The following CRB3 variants were observed in gnomAD, a reference collection of about 807,000 sequenced individuals.
CRB3 encodes protein crumbs homolog 3.
Under a neutral mutation model 10.4 loss-of-function variants are expected in CRB3, and 4 were observed. The observed-to-expected ratio is 0.39, with a 90% CI of 0.19 to 0.88. The LOEUF (loss-of-function observed/expected upper bound fraction) is 0.88. Among genes scored for constraint, CRB3 ranks in the 40% least tolerant of loss-of-function variants. The pLI is 0.39. For missense variants in CRB3, 154 were observed against 160.2 expected, an observed-to-expected ratio of 0.96 and a Z score of 0.21; for synonymous variants, 74 against 73.4, an observed-to-expected ratio of 1.01 and a Z score of -0.04.
At position 6,466,871 on chromosome 19, in the gene CRB3, G is replaced by T; in HGVS notation, c.*199G>T. The T allele has an allele frequency of 6.3e-7, 1 of 1,577,498 alleles. No individual in the cohort carries two copies. The highest frequency in any genetic ancestry group is 1.2e-5 in the South Asian group (1 of 85,500). ...CCTGCAGCTCAGGGTGCTGGGGCTC[G>T]GGACCCACCCCCCTGCTTGCGGAAC... On this transcript the variant is annotated 3_prime_UTR_variant, in exon 4 of 4. Transcript: ENST00000600229. The surrounding 1 kb of genome is among the most constrained non-coding windows in gnomAD (Gnocchi z 4.9).
rs764723067 is a variant in CRB3 at position 6,467,026 on chromosome 19, C to A, written c.*354C>A. On this transcript the variant is annotated 3_prime_UTR_variant, in exon 4 of 4. Coordinates refer to ENST00000600229, the MANE Select transcript of CRB3 (RefSeq NM_139161.5). ...GCAGGGCTGCCTGCCCATCTAGGTC[C>A]CCTCTCCTGCATCTGTCTCCCTTCA... 1.9e-6 allele frequency: 3 copies of A among 1,613,178 alleles called. No individual in the cohort carries two copies. In the East Asian group the frequency reaches 6.7e-5, roughly 36 times the overall value.
At chr19:6,465,246 G>T in intron 2 of CRB3, 1 of 398,798 alleles carries the variant, frequency 2.5e-6, no homozygotes, top group Non-Finnish European at 4.6e-6. Flanking sequence ...CCAGGGAAAA[G>T]CTAGGCCCGC....
At chr19:6,465,819 T>C (rs933167240) in intron 3 of CRB3, among the ~76,000 whole-genome samples, 4 of 152,072 alleles carry the variant, frequency 2.6e-5, no homozygotes, top group African/African-American at 7.2e-5. Flanking sequence ...AGGAATACTG[T>C]AGCTGTCAGA....
In CRB3 at chr19:6,467,111, C is replaced by A; in HGVS notation, c.*439C>A. The A allele has an allele frequency of 8.5e-7, 1 of 1,181,642 alleles. No individual in the cohort carries two copies. Among genetic ancestry groups the A allele is most frequent in the Non-Finnish European group, 1.2e-6 (1 of 807,318 alleles). The allele number at this position is 1,181,642 out of a possible 1,614,324, so 73.2% of individuals were successfully genotyped here. A position where few individuals can be genotyped will look rare whatever the true frequency, so the allele number is the denominator to read the frequency against. On this transcript the variant is annotated 3_prime_UTR_variant, in exon 4 of 4. Coordinates refer to ENST00000600229, the MANE Select transcript of CRB3 (RefSeq NM_139161.5). Reference sequence around the variant, plus strand: ...TCTGGGCAGTCAGATCCACCCAGTGCTTAATAGCAGGGAAGAAGGTACTTC... The same window carrying A: ...TCTGGGCAGTCAGATCCACCCAGTGATTAATAGCAGGGAAGAAGGTACTTC...
Position 6,464,493 on chromosome 19 carries a change from G to A in CRB3, c.-94-115G>A. The A allele has an allele frequency of 2.5e-6, 1 of 392,978 alleles. No individual in the cohort carries two copies. 24.3% of individuals were successfully genotyped at this position (392,978 alleles called of 1,614,324 possible). A position where few individuals can be genotyped will look rare whatever the true frequency, so the allele number is the denominator to read the frequency against. The stretch of plus-strand genomic sequence containing the variant: ...AATCTTTAATCGCTGACCTCTGGCG[G>A]CTGGGGCGGGGCGGGACTCATGGGT... On this transcript the variant is annotated intron_variant, in intron 1 of 3. Coordinates refer to ENST00000600229, the MANE Select transcript of CRB3 (RefSeq NM_139161.5). The surrounding 1 kb of genome is among the most constrained non-coding windows in gnomAD (Gnocchi z 5.3).
In CRB3 at chr19:6,466,413, A is replaced by G. The variant is rs1026105078; in HGVS notation, c.157-53A>G. The G allele has an allele frequency of 5.5e-6, 8 of 1,465,332 alleles. No individual in the cohort carries two copies. In the African/African-American group the frequency reaches 8.4e-5, roughly 15 times the overall value. 90.8% of individuals were successfully genotyped at this position (1,465,332 alleles called of 1,614,324 possible). A position where few individuals can be genotyped will look rare whatever the true frequency, so the allele number is the denominator to read the frequency against. ...GATGAGGGGGATGCCATTCAGGTGG[A>G]GGTGGACAGGCTACCCAGGCTCAGG... is the stretch of plus-strand genomic sequence containing the variant. On this transcript the variant is annotated intron_variant, in intron 3 of 3. Coordinates refer to ENST00000600229, the MANE Select transcript of CRB3 (RefSeq NM_139161.5). The surrounding 1 kb of genome is among the most constrained non-coding windows in gnomAD (Gnocchi z 4.9).
chr19:6,465,653 A>G (rs763217399), intron 3 of CRB3, 35 bp downstream of exon 3: 1 of 1,538,276 alleles, frequency 6.5e-7, no homozygotes, highest in Non-Finnish European at 9.0e-7. Flanking sequence ...GATGGCAGCA[A>G]GGATGTTATC....
In CRB3 at chr19:6,466,630, G is replaced by A. The variant is rs560916057; in HGVS notation, c.321G>A (p.Pro107=). ...SEEQVGARVP[P]TPNLKLPPEE... ...AGCAGGTGGGTGCCCGCGTGCCACC[G>A]ACCCCCAACCTCAAGTTGCCGCCGG... Residue 107 remains proline (P), a synonymous_variant, in exon 4 of 4, where the codon CCG becomes CCA. Transcript: ENST00000600229. This position sits in a 1 kb window ranked among gnomAD's most constrained non-coding sequence, Gnocchi z 4.9. The A allele has an allele frequency of 5.0e-6, 8 of 1,603,740 alleles. No homozygotes were observed. The East Asian group carries it at 6.7e-5, about 13-fold the overall frequency.
In CRB3 at chr19:6,464,721, G is replaced by A; in HGVS notation, c.20G>A (p.Gly7Glu). Residue 7 changes from glycine to glutamate, a missense_variant, in exon 2 of 4, where the codon GGG (glycine) becomes GAG (glutamate). Coordinates refer to ENST00000600229, the MANE Select transcript of CRB3 (RefSeq NM_139161.5). This position sits in a 1 kb window ranked among gnomAD's most constrained non-coding sequence, Gnocchi z 5.3. ...CAGCCCATGGCGAACCCCGGGCTGG[G>A]GCTGCTTCTGGCGCTGGGCCTGCCG... Reference protein sequence around the residue: MANPGLGLLLALGLPFL... With the variant: MANPGLELLLALGLPFL... 8.0e-7 allele frequency: 1 copy of A among 1,246,044 alleles called. No individual in the cohort carries two copies. Among genetic ancestry groups the A allele is most frequent in the South Asian group, 3.9e-5 (1 of 25,454 alleles). The allele number at this position is 1,246,044 out of a possible 1,614,324, so 77.2% of individuals were successfully genotyped here. A position where few individuals can be genotyped will look rare whatever the true frequency, so the allele number is the denominator to read the frequency against.
chr19:6,465,169 T>G, intron 2 of CRB3: 1 of 295,200 alleles, frequency 3.4e-6, no homozygotes, highest in Non-Finnish European at 6.3e-6. Flanking sequence ...TGGCTGAAGG[T>G]GTAGACCCCA....
chr19:6,466,200 C>CA lies in CRB3; in HGVS notation c.157-256dup, dbSNP rs1343339886. Among the ~76,000 whole-genome samples, 42 of 145,750 alleles carry CA rather than the reference C, an allele frequency of 2.9e-4. No individual in the cohort carries two copies. Among genetic ancestry groups the CA allele is most frequent in the African/African-American group, 2.5e-4 (10 of 39,702 alleles). On this transcript the variant is annotated intron_variant, in intron 3 of 3. Coordinates refer to ENST00000600229, the MANE Select transcript of CRB3 (RefSeq NM_139161.5). This position sits in a 1 kb window ranked among gnomAD's most constrained non-coding sequence, Gnocchi z 4.9. ...TGGGCAACAGAGCAAGACTCGGTCT[C>CA]AAAAAAAAAAGCCGGAGTCCCAGAC...
chr19:6,463,931 C>T (rs2092783278), upstream of CRB3: 1 of 152,218 alleles, frequency 6.6e-6, no homozygotes, highest in African/African-American at 2.4e-5. Context: ...TATTTTTTCT[C>T]ATTAAGCGCT....
chr19:6,466,447 A>C lies in CRB3; in HGVS notation c.157-19A>C, dbSNP rs1599371251. On this transcript the variant is annotated intron_variant, in intron 3 of 3. Transcript: ENST00000600229. This position sits in a 1 kb window ranked among gnomAD's most constrained non-coding sequence, Gnocchi z 4.9. ...GGCTACCCAGGCTCAGGTGATTCAC[A>C]CCTGTCCCCTCTCTGCAGCGTCCAG... 6.2e-7 allele frequency: 1 copy of C among 1,611,346 alleles called. No individual in the cohort carries two copies. The highest frequency in any genetic ancestry group is 8.5e-7 in the Non-Finnish European group (1 of 1,178,714).
Position 6,467,030 on chromosome 19 carries a change from C to G in CRB3, c.*358C>G, listed in dbSNP as rs758879471. ...GGCTGCCTGCCCATCTAGGTCCCCT[C>G]TCCTGCATCTGTCTCCCTTCATTGC... is the stretch of plus-strand genomic sequence containing the variant. On this transcript the variant is annotated 3_prime_UTR_variant, in exon 4 of 4. Coordinates refer to ENST00000600229, the MANE Select transcript of CRB3 (RefSeq NM_139161.5). The G allele has an allele frequency of 6.2e-7, 1 of 1,612,542 alleles. No individual in the cohort carries two copies. The highest frequency in any genetic ancestry group is 8.5e-7 in the Non-Finnish European group (1 of 1,178,746).
At chr19:6,465,485 T>A in intron 2 of CRB3, 60 bp from the exon 3 acceptor site, 1 of 1,422,464 alleles carries the variant, frequency 7.0e-7, no homozygotes, top group Non-Finnish European at 9.9e-7. Context: ...CAGGTGCAGA[T>A]GGGCGGGGAT....
Position 6,466,467 on chromosome 19 carries a change from G to T in CRB3, c.158G>T (p.Arg53Leu), listed in dbSNP as rs770108481. ...STSSSSDGNL[R>L]PEAITAIIVV... ...TTCACACCTGTCCCCTCTCTGCAGC[G>T]TCCAGAAGCCATCACTGCTATCATC... The change falls in exon 4 of 4, where the codon CGT (arginine) becomes CTT (leucine). Residue 53 changes from arginine to leucine, a missense_variant and splice_region_variant. Physicochemically the swap from Arg to Leu is moderately radical, Grantham distance 102. Coordinates refer to ENST00000600229, the MANE Select transcript of CRB3 (RefSeq NM_139161.5). This position sits in a 1 kb window ranked among gnomAD's most constrained non-coding sequence, Gnocchi z 4.9. The T allele has an allele frequency of 5.6e-6, 9 of 1,613,304 alleles. No individual in the cohort carries two copies. Among genetic ancestry groups the T allele is most frequent in the African/African-American group, 2.7e-5 (2 of 74,892 alleles).
In CRB3 at chr19:6,466,965, C is replaced by T. The variant is rs374276636; in HGVS notation, c.*293C>T. The T allele has an allele frequency of 1.4e-5, 23 of 1,613,866 alleles. No homozygotes were observed. Among genetic ancestry groups the T allele is most frequent in the African/African-American group, 4.0e-5 (3 of 74,878 alleles). ...CTTTCTTTCAGTTCTCCCATGCAGC[C>T]GAGGCCCGGGCCCCTCAGGACTCCA... On this transcript the variant is annotated 3_prime_UTR_variant, in exon 4 of 4. Transcript: ENST00000600229. The surrounding 1 kb of genome is among the most constrained non-coding windows in gnomAD (Gnocchi z 4.9).
chr19:6,465,463 G>A (rs2092789755), intron 2 of CRB3, 82 bp from the exon 3 acceptor site: 5 of 1,123,004 alleles, frequency 4.5e-6, no homozygotes, highest in Non-Finnish European at 6.8e-6. Context: ...AGGTGAAGGG[G>A]AATGCCCAAA....
Position 6,465,708 on chromosome 19 carries a change from C to T in CRB3, c.156+90C>T, listed in dbSNP as rs1222072364. The T allele has an allele frequency of 1.2e-5, 14 of 1,138,170 alleles. No individual in the cohort carries two copies. In the Admixed American group the frequency reaches 1.4e-4, roughly 11 times the overall value. 70.5% of individuals were successfully genotyped at this position (1,138,170 alleles called of 1,614,324 possible). On this transcript the variant is annotated intron_variant, in intron 3 of 3. Transcript: ENST00000600229. Reference sequence around the variant, plus strand: ...ATGTAGAGAGGACTAGACACCCCCTCCCCCCAGAGGTGGCAGGTCAGGGTG... The same window carrying T: ...ATGTAGAGAGGACTAGACACCCCCTTCCCCCAGAGGTGGCAGGTCAGGGTG...
Sources: gnomAD v4.1 joint callset for allele counts (sites outside exome capture counted in the v4.1 genomes callset) on GRCh38, gnomAD v4.1.1 for gene constraint, Gnocchi (gnomAD v3.1) non-coding constraint, MANE v1.5 for transcripts, NCBI Gene and HGNC (gene_info 2026-07-23, HGNC 2026-07-21) for gene names.